PLEKHA5: variants seen among roughly 807,000 people sequenced by gnomAD.
PLEKHA5 encodes pleckstrin homology domain-containing family A member 5.
In PLEKHA5, 55 loss-of-function variants were observed where a neutral mutation model predicts 181.9. The ratio of observed to expected loss-of-function variants is 0.30; its 90% CI spans 0.24 to 0.38. PLEKHA5 has a LOEUF of 0.38. Among genes scored for constraint, PLEKHA5 ranks in the 10% least tolerant of loss-of-function variants. The pLI, the probability that PLEKHA5 is intolerant of heterozygous loss-of-function variation, is 1.00. For missense variants in PLEKHA5, 1,432 were observed against 1,549.5 expected, an observed-to-expected ratio of 0.92 and a Z score of 1.27; for synonymous variants, 535 against 529.4, an observed-to-expected ratio of 1.01 and a Z score of -0.15.
rs2094292815 is a variant in PLEKHA5, at chr12:19,345,766, A to C, written c.2663-76A>C. On this transcript the variant is annotated intron_variant, in intron 22 of 31. Coordinates refer to ENST00000429027, the MANE Select transcript of PLEKHA5 (RefSeq NM_001256470.2). ...CAAACAGCAAGACTTCATTTCAAAA[A>C]AACAAAAGAAATTGTTCTTTTTTTA... 9.0e-6 allele frequency: 7 copies of C among 776,792 alleles called. No homozygotes were observed. The East Asian group carries it at 1.2e-4, about 13-fold the overall frequency. The allele number at this position is 776,792 out of a possible 1,614,324, so 48.1% of individuals were successfully genotyped here.
At chr12:19,292,990 G>A (rs1351668026) in intron 15 of PLEKHA5, among the ~76,000 whole-genome samples, 7 of 151,924 alleles carry the variant, frequency 4.6e-5, no homozygotes, top group Admixed American at 3.3e-4. Context: ...TTTATAAAAT[G>A]TTCTATTAAT....
chr12:19,198,337 G>A lies in PLEKHA5; in HGVS notation c.228-55603G>A, dbSNP rs537963876. ...AGAGGCCTTCTTTCATCTCAGATAT[G>A]CCAGGCTTAGAGCCTTTAAACTAAC... On this transcript the variant is annotated intron_variant, in intron 3 of 31. Coordinates refer to ENST00000429027, the MANE Select transcript of PLEKHA5 (RefSeq NM_001256470.2). 3.9e-5 allele frequency among the ~76,000 whole-genome samples: 6 copies of A among 152,204 alleles called. No individual in the cohort carries two copies. The East Asian group carries it at 1.2e-3, about 29-fold the overall frequency.
At chr12:19,324,381 C>G (rs1229569730) in intron 20 of PLEKHA5, among the ~76,000 whole-genome samples, 1 of 152,056 alleles carries the variant, frequency 6.6e-6, no homozygotes, top group East Asian at 1.9e-4. Flanking sequence ...TGTTTGTAGA[C>G]TTTTTTGAAA....
intron 3 of PLEKHA5, among the ~76,000 whole-genome samples, chr12:19,228,796 A>G (rs1046604825): frequency 6.6e-6 from 1 of 152,090 alleles, no homozygotes; most frequent in African/African-American, 2.4e-5. Flanking sequence ...ATTCTCCTAC[A>G]GGATCTAGAA....
chr12:19,230,474 G>T (rs1036049078), intron 3 of PLEKHA5, among the ~76,000 whole-genome samples: 22 of 152,212 alleles, frequency 1.4e-4, no homozygotes, highest in African/African-American at 5.3e-4. Context: ...GCTCGGGCAT[G>T]GCGGGCTGCA....
intron 12 of PLEKHA5, among the ~76,000 whole-genome samples, chr12:19,286,205 A>G (rs1170901684): frequency 1.3e-5 from 2 of 152,206 alleles, no homozygotes; most frequent in Admixed American, 1.3e-4. Flanking sequence ...CAATATTTAG[A>G]ACATTGCATA....
Position 19,331,500 on chromosome 12 carries a change from C to T in PLEKHA5, c.2449-5015C>T, listed in dbSNP as rs144071023. Among the ~76,000 whole-genome samples, 74 of 152,160 alleles carry T rather than the reference C, an allele frequency of 4.9e-4. No homozygotes were observed. The East Asian group carries it at 0.012, about 24-fold the overall frequency. ...GATTACAGGCGTAAGCCACCATGCC[C>T]GGCCATTAATCCTTTCTTAATAAAG... On this transcript the variant is annotated intron_variant, in intron 20 of 31. Coordinates refer to ENST00000429027, the MANE Select transcript of PLEKHA5 (RefSeq NM_001256470.2).
intron 3 of PLEKHA5, among the ~76,000 whole-genome samples, chr12:19,211,091 A>AAT (rs1313818354): frequency 6.6e-6 from 1 of 152,090 alleles, no homozygotes; most frequent in Non-Finnish European, 1.5e-5. Flanking sequence ...TCTTGTTTTT[A>AAT]ATACTTAAAA....
chr12:19,307,094 T>G, intron 15 of PLEKHA5: 1 of 1,094,946 alleles, frequency 9.1e-7, no homozygotes, highest in Middle Eastern at 3.0e-4. Context: ...TTGCTGAAGC[T>G]TATGAGCACT....
chr12:19,271,411 A>G (rs1277178145), intron 10 of PLEKHA5, among the ~76,000 whole-genome samples: 2 of 152,156 alleles, frequency 1.3e-5, no homozygotes, highest in Non-Finnish European at 2.9e-5. Context: ...AGGCTGAAGC[A>G]TGAGGATCAC....
chr12:19,316,497 G>A (rs1019824881), intron 16 of PLEKHA5, among the ~76,000 whole-genome samples: 3 of 152,078 alleles, frequency 2.0e-5, no homozygotes, highest in Non-Finnish European at 4.4e-5. Context: ...TACCGAAAGA[G>A]CAATAGATTT....
intron 15 of PLEKHA5, chr12:19,307,299 C>G: frequency 2.8e-6 from 1 of 362,738 alleles, no homozygotes; most frequent in Non-Finnish European, 5.1e-6. Context: ...ATGGTGAAAC[C>G]TTGTCTCTAC....
At chr12:19,359,339 T>G in intron 27 of PLEKHA5, 73 bp from the exon 28 acceptor site, 1 of 1,319,746 alleles carries the variant, frequency 7.6e-7, no homozygotes, top group Non-Finnish European at 1.0e-6. Context: ...TTTTGAGAAT[T>G]AACAGGCACT....
At chr12:19,364,613 A>G (rs1182114731) in intron 29 of PLEKHA5, among the ~76,000 whole-genome samples, 1 of 152,080 alleles carries the variant, frequency 6.6e-6, no homozygotes, top group Non-Finnish European at 1.5e-5. Flanking sequence ...TGAAAATCTG[A>G]CAAGGATCTT....
intron 30 of PLEKHA5, 52 bp downstream of exon 30, chr12:19,366,161 T>TA (rs2153275616): frequency 1.4e-6 from 2 of 1,423,220 alleles, no homozygotes; most frequent in South Asian, 2.5e-5. Context: ...TCTGAACTTC[T>TA]AAATTTATTT....
At chr12:19,340,338 G>A (rs1013636251) in intron 21 of PLEKHA5, among the ~76,000 whole-genome samples, 1 of 146,648 alleles carries the variant, frequency 6.8e-6, no homozygotes, top group Non-Finnish European at 1.5e-5. Context: ...CCCTCTGCCC[G>A]GCCAGCCGCC....
At chr12:19,173,315 G>T (rs553882775) in intron 3 of PLEKHA5, among the ~76,000 whole-genome samples, 1 of 151,982 alleles carries the variant, frequency 6.6e-6, no homozygotes, top group African/African-American at 2.4e-5. Flanking sequence ...GAGCCACCGC[G>T]CCCGGCCCTT....
intron 11 of PLEKHA5, 43 bp from the exon 12 acceptor site, chr12:19,283,237 A>C: frequency 6.3e-4 from 605 of 953,222 alleles, no homozygotes; most frequent in Non-Finnish European, 8.8e-4. Context: ...TTTGGAAAAT[A>C]ACCCTCCTTC....
At chr12:19,193,541 A>C (rs555210749) in intron 3 of PLEKHA5, among the ~76,000 whole-genome samples, 2 of 152,114 alleles carry the variant, frequency 1.3e-5, no homozygotes, top group Non-Finnish European at 2.9e-5. Context: ...GTTTTACTAC[A>C]TTGATATATA....
Sources: allele counts gnomAD v4.1 joint callset (sites outside exome capture counted in the v4.1 genomes callset), GRCh38; gene constraint gnomAD v4.1.1; transcripts MANE v1.5; gene names NCBI Gene and HGNC (gene_info 2026-07-23, HGNC 2026-07-21).